The following YME1L1 variants were observed in gnomAD, a reference collection of about 807,000 sequenced individuals.
YME1L1 encodes the protein YME1 like 1 ATPase, also known as ATP-dependent zinc metalloprotease YME1L1.
In YME1L1, 39 loss-of-function variants were observed where a neutral mutation model predicts 90.4. The observed-to-expected ratio is 0.43, with a 90% CI of 0.33 to 0.56. The LOEUF (loss-of-function observed/expected upper bound fraction) is 0.56. Among genes scored for constraint, YME1L1 ranks in the 20% least tolerant of loss-of-function variants. The pLI is 0.03. For synonymous variants in YME1L1, 284 were observed against 287.3 expected, an observed-to-expected ratio of 0.99 and a Z score of 0.12; for missense variants, 617 against 868.4, an observed-to-expected ratio of 0.71 and a Z score of 3.64.
chr10:27,127,225 G>T (rs145450539), intron 8 of YME1L1, among the ~76,000 whole-genome samples: 312 of 152,172 alleles, frequency 2.1e-3, no homozygotes, highest in African/African-American at 7.3e-3. Flanking sequence ...ACTTATTAAA[G>T]AACAAAGTTA....
At chr10:27,119,074 C>A (rs970592372) in intron 14 of YME1L1, among the ~76,000 whole-genome samples, 2 of 152,044 alleles carry the variant, frequency 1.3e-5, no homozygotes, top group Non-Finnish European at 2.9e-5. Flanking sequence ...AGATTATTGT[C>A]AAGAAAATGT....
At chr10:27,126,628 GGTT>G in intron 9 of YME1L1, 65 bp downstream of exon 9, 1 of 830,196 alleles carries the variant, frequency 1.2e-6, no homozygotes, top group Non-Finnish European at 1.8e-6. Flanking sequence ...AAGTAATATA[GGTT>G]TTTTTTGTTT....
intron 17 of YME1L1, 48 bp from the exon 18 acceptor site, chr10:27,114,655 CA>C: frequency 7.0e-7 from 1 of 1,424,660 alleles, no homozygotes; most frequent in Non-Finnish European, 9.8e-7. Context: ...CCCCAAACAC[CA>C]ACAAATTTGA....
intron 9 of YME1L1, among the ~76,000 whole-genome samples, chr10:27,126,473 T>G (rs557724763): frequency 1.3e-5 from 2 of 152,148 alleles, no homozygotes; most frequent in East Asian, 3.9e-4. Context: ...GCATTCTATG[T>G]ACTATTCTTG....
chr10:27,148,861 T>C, intron 2 of YME1L1, 45 bp downstream of exon 2: 2 of 1,608,880 alleles, frequency 1.2e-6, no homozygotes, highest in Non-Finnish European at 1.7e-6. Context: ...AAGGGTCAAC[T>C]GTATATCAAA....
intron 4 of YME1L1, among the ~76,000 whole-genome samples, chr10:27,139,327 A>G (rs2057062015): frequency 6.6e-6 from 1 of 152,056 alleles, no homozygotes; most frequent in Non-Finnish European, 1.5e-5. Context: ...CCAAGTATCC[A>G]GAACTACAGG....
At chr10:27,149,405 G>A (rs1335151373) in intron 1 of YME1L1, among the ~76,000 whole-genome samples, 2 of 152,106 alleles carry the variant, frequency 1.3e-5, no homozygotes, top group Admixed American at 6.5e-5. Flanking sequence ...CATTAGGGGA[G>A]CGGCAAAACA....
In YME1L1 at chr10:27,112,052, A is replaced by T; in HGVS notation, c.2076T>A (p.Ala692=). 6.2e-7 allele frequency: 1 copy of T among 1,614,130 alleles called. No homozygotes were observed. Among genetic ancestry groups the T allele is most frequent in the Middle Eastern group, 1.7e-4 (1 of 6,060 alleles). The part of the protein sequence containing the change: ...HAKEHKNLAE[A]LLTYETLDAK... ...CATCCAAAGTCTCATAGGTCAATAA[A>T]GCTTCTGCGAGATTCTTATGCTCCT... Residue 692 remains alanine (A), a synonymous_variant, in exon 19 of 19, where the codon GCT becomes GCA. Coordinates refer to ENST00000376016, the MANE Select transcript of YME1L1 (RefSeq NM_014263.4).
In YME1L1 at chr10:27,122,885, T is replaced by A; in HGVS notation, c.1191A>T (p.Pro397=). The part of the protein sequence containing the change: ...GGKRIESPMH[P]YSRQTINQLL... Reference sequence around the variant, plus strand: ...GTTGATTTATGGTCTGCCTTGAATATGGATGCATTGGAGATTCAATTCTCT... The same window carrying A: ...GTTGATTTATGGTCTGCCTTGAATAAGGATGCATTGGAGATTCAATTCTCT... The change falls in exon 11 of 19, where the codon CCA becomes CCT. Residue 397 remains proline, a synonymous_variant. Coordinates refer to ENST00000376016, the MANE Select transcript of YME1L1 (RefSeq NM_014263.4). The A allele has an allele frequency of 6.2e-7, 1 of 1,613,588 alleles. No individual in the cohort carries two copies. The highest frequency in any genetic ancestry group is 1.1e-5 in the South Asian group (1 of 91,064).
At chr10:27,121,591 C>T in intron 11 of YME1L1, 143 bp from the exon 12 acceptor site, 1 of 595,594 alleles carries the variant, frequency 1.7e-6, no homozygotes, top group Non-Finnish European at 3.0e-6. Context: ...CCAGTATGAT[C>T]ATAGCTCACT....
chr10:27,146,072 A>AT (rs1326024904), intron 2 of YME1L1: 3 of 152,896 alleles, frequency 2.0e-5, no homozygotes, highest in Admixed American at 1.3e-4. Context: ...GGTCCAGGGG[A>AT]TTTTCCCCAA....
chr10:27,132,213 G>A (rs1262749457), intron 7 of YME1L1, among the ~76,000 whole-genome samples: 1 of 152,058 alleles, frequency 6.6e-6, no homozygotes, highest in Non-Finnish European at 1.5e-5. Context: ...CGATTCTCCT[G>A]CCTCAGCCTC....
intron 2 of YME1L1, chr10:27,147,598 T>C: frequency 6.4e-7 from 1 of 1,573,368 alleles, no homozygotes; most frequent in Non-Finnish European, 8.6e-7. Flanking sequence ...CATGGATCTG[T>C]ACCCTTCGAA....
intron 15 of YME1L1, 75 bp from the exon 16 acceptor site, chr10:27,116,420 C>T: frequency 6.5e-7 from 1 of 1,543,572 alleles, no homozygotes; most frequent in Non-Finnish European, 8.7e-7. Flanking sequence ...TGAATCCCAG[C>T]ACTTTGGCAG....
At chr10:27,148,560 T>C (rs1216616801) in intron 2 of YME1L1, among the ~76,000 whole-genome samples, 1 of 152,128 alleles carries the variant, frequency 6.6e-6, no homozygotes, top group Admixed American at 6.5e-5. Flanking sequence ...CCACTCAACT[T>C]GAAGATAATG....
intron 4 of YME1L1, among the ~76,000 whole-genome samples, chr10:27,138,163 G>A (rs926116764): frequency 6.6e-6 from 1 of 151,708 alleles, no homozygotes; most frequent in Non-Finnish European, 1.5e-5. Flanking sequence ...TCTTAATTTT[G>A]TTGCACTGAT....
At chr10:27,112,688 C>A (rs1373708086) in intron 18 of YME1L1, among the ~76,000 whole-genome samples, 1 of 152,134 alleles carries the variant, frequency 6.6e-6, no homozygotes, top group Non-Finnish European at 1.5e-5. Context: ...AAGACTTTGG[C>A]ACTCAGCTCT....
intron 4 of YME1L1, among the ~76,000 whole-genome samples, chr10:27,140,566 C>T (rs1426366001): frequency 6.6e-6 from 1 of 151,960 alleles, no homozygotes; most frequent in Non-Finnish European, 1.5e-5. Flanking sequence ...GCAACCTCCG[C>T]CTCCTGGGTT....
At chr10:27,122,729 A>G (rs1316592744) in intron 11 of YME1L1, 112 bp downstream of exon 11, 4 of 1,430,724 alleles carry the variant, frequency 2.8e-6, no homozygotes, top group South Asian at 1.2e-5. Flanking sequence ...CACATTTTTC[A>G]TATCTCTAGA....
Sources: allele counts gnomAD v4.1 joint callset (sites outside exome capture counted in the v4.1 genomes callset), GRCh38; gene constraint gnomAD v4.1.1; transcripts MANE v1.5; gene names NCBI Gene and HGNC (gene_info 2026-07-23, HGNC 2026-07-21).